The following ADAM12 variants were observed in gnomAD, a reference collection of about 807,000 sequenced individuals.
ADAM12 encodes ADAM metallopeptidase domain 12.
A neutral mutation model predicts 106.4 loss-of-function variants in ADAM12; 70 were observed. That is an observed-to-expected ratio of 0.66 (90% confidence interval 0.54 to 0.80). The LOEUF (loss-of-function observed/expected upper bound fraction) is 0.80, where lower values mean the gene tolerates loss of function less well. Ranked by LOEUF, ADAM12 falls within the 30% of genes least tolerant of loss-of-function variation. The probability of loss-of-function intolerance (pLI) is 0.00; values close to 1 mark genes in which losing one functional copy is unlikely to be tolerated. For synonymous variants in ADAM12, 420 were observed against 433.5 expected, an observed-to-expected ratio of 0.97 and a Z score of 0.39; for missense variants, 1,010 against 1,171.9, an observed-to-expected ratio of 0.86 and a Z score of 2.02.
intron 8 of ADAM12, among the ~76,000 whole-genome samples, chr10:126,103,142 C>A (rs918731695): frequency 1.3e-5 from 2 of 152,170 alleles, no homozygotes; most frequent in African/African-American, 4.8e-5. Flanking sequence ...CATCAAGGAG[C>A]TTTTCATGAT....
intron 2 of ADAM12, among the ~76,000 whole-genome samples, chr10:126,286,720 C>T (rs917518832): frequency 1.1e-4 from 17 of 152,086 alleles, no homozygotes; most frequent in African/African-American, 3.4e-4. Context: ...AATTAAGGCA[C>T]GGCAGCATTA....
At chr10:126,329,239 T>A (rs1854419382) in intron 2 of ADAM12, among the ~76,000 whole-genome samples, 1 of 152,236 alleles carries the variant, frequency 6.6e-6, no homozygotes, top group Non-Finnish European at 1.5e-5. Context: ...TACTTCTAAC[T>A]TGCTAAATCT....
At chr10:126,039,574 T>TCTTA in intron 18 of ADAM12, 145 bp from the exon 19 acceptor site, 1 of 966,754 alleles carries the variant, frequency 1.0e-6, no homozygotes, top group Non-Finnish European at 1.5e-6. Flanking sequence ...TAATAAACTG[T>TCTTA]CTTACTTCAG....
intron 3 of ADAM12, among the ~76,000 whole-genome samples, chr10:126,222,834 A>G (rs753267473): frequency 7.2e-5 from 11 of 151,772 alleles, no homozygotes; most frequent in Middle Eastern, 3.2e-3. Flanking sequence ...GGCTCCATAT[A>G]CTCTCTCATC....
At chr10:126,099,897 T>A (rs1387680720) in intron 9 of ADAM12, among the ~76,000 whole-genome samples, 3 of 152,198 alleles carry the variant, frequency 2.0e-5, no homozygotes, top group African/African-American at 7.2e-5. Context: ...AACAAAAGAA[T>A]AATAGCACAA....
intron 12 of ADAM12, among the ~76,000 whole-genome samples, chr10:126,070,159 A>G (rs1014244037): frequency 4.6e-5 from 7 of 152,178 alleles, no homozygotes; most frequent in African/African-American, 1.4e-4. Flanking sequence ...ACCCCAACCC[A>G]TGATGGTTTT....
intron 1 of ADAM12, among the ~76,000 whole-genome samples, chr10:126,381,406 C>T (rs140177208): frequency 0.014 from 2,137 of 151,978 alleles, 55 homozygotes; most frequent in African/African-American, 0.049. Context: ...TGGGGGGCTG[C>T]GGCAGGAGGA....
At position 126,082,373 on chromosome 10, in the gene ADAM12, T is replaced by TTTTG. The variant is rs567741600; in HGVS notation, c.1146-10720_1146-10719insCAAA. Among the ~76,000 whole-genome samples, 46 of 144,474 alleles carry TTTTG rather than the reference T, an allele frequency of 3.2e-4. No homozygotes were observed. The East Asian group carries it at 8.3e-3, about 26-fold the overall frequency. 94.8% of individuals were successfully genotyped at this position (144,474 alleles called of 152,430 possible). ...GACAATCTAATGACTGTTTTTTTTT[T>TTTTG]TTTTTTTTTTTTTTATGTGGAGTTT... On this transcript the variant is annotated intron_variant, in intron 11 of 22. Coordinates refer to ENST00000448723, the MANE Select transcript of ADAM12 (RefSeq NM_001288973.2).
At chr10:126,315,931 A>C (rs1564728358) in intron 2 of ADAM12, among the ~76,000 whole-genome samples, 1 of 152,198 alleles carries the variant, frequency 6.6e-6, no homozygotes. Flanking sequence ...CACGAAGTCC[A>C]CTTATGAGAT....
chr10:126,229,678 A>T (rs1278749967), intron 3 of ADAM12, among the ~76,000 whole-genome samples: 1 of 111,624 alleles, frequency 9.0e-6, no homozygotes, highest in Non-Finnish European at 1.7e-5. Flanking sequence ...TATTCTCTTT[A>T]TCTCTCCCGC....
intron 3 of ADAM12, among the ~76,000 whole-genome samples, chr10:126,178,722 A>AAAACATAAC (rs1357055554): frequency 6.6e-6 from 1 of 152,152 alleles, no homozygotes; most frequent in Non-Finnish European, 1.5e-5. Flanking sequence ...ATTGCATGTG[A>AAAACATAAC]ATGGGAAAAC....
chr10:126,371,301 T>C (rs139879121), intron 1 of ADAM12, among the ~76,000 whole-genome samples: 380 of 152,324 alleles, frequency 2.5e-3, no homozygotes, highest in Non-Finnish European at 3.5e-3. Flanking sequence ...CACTCAGAAA[T>C]GTGATTGTTT....
At chr10:126,027,225 A>G (rs1953890533) in intron 21 of ADAM12, among the ~76,000 whole-genome samples, 1 of 152,216 alleles carries the variant, frequency 6.6e-6, no homozygotes, top group Non-Finnish European at 1.5e-5. Context: ...AAATTGAGGC[A>G]GTAGTAAATA....
Position 126,012,553 on chromosome 10 carries a change from T to C in ADAM12, c.*4726A>G, listed in dbSNP as rs537542756. Reference sequence around the variant, plus strand: ...GTGAAAAAATTAGCAAACCAAAGCATGATAAATGGATGAAGCACTATAAAA... The same window carrying C: ...GTGAAAAAATTAGCAAACCAAAGCACGATAAATGGATGAAGCACTATAAAA... On this transcript the variant is annotated 3_prime_UTR_variant, in exon 23 of 23. Coordinates refer to ENST00000448723, the MANE Select transcript of ADAM12 (RefSeq NM_001288973.2). 6.6e-6 allele frequency: 1 copy of C among 151,306 alleles called. No homozygotes were observed. The highest frequency in any genetic ancestry group is 1.9e-4 in the East Asian group (1 of 5,184). 9.4% of individuals were successfully genotyped at this position (151,306 alleles called of 1,614,324 possible). A position where few individuals can be genotyped will look rare whatever the true frequency, so the allele number is the denominator to read the frequency against.
intron 1 of ADAM12, among the ~76,000 whole-genome samples, chr10:126,366,032 T>C (rs929873691): frequency 6.6e-6 from 1 of 152,272 alleles, no homozygotes; most frequent in East Asian, 1.9e-4. Context: ...TACCAGGTGT[T>C]AGAATTATCA....
intron 10 of ADAM12, among the ~76,000 whole-genome samples, chr10:126,094,620 C>T (rs774607451): frequency 1.3e-5 from 2 of 152,176 alleles, no homozygotes; most frequent in Non-Finnish European, 2.9e-5. Flanking sequence ...TGTCATTGAG[C>T]CTGCCTCTTC....
rs1462848229 is a variant in ADAM12, at chr10:126,064,349, C to T, written c.1609+457G>A. ...GGGTCCTCTTATGAGTACAAAGGGG[C>T]ATTACTAAAATCTCAGTGGTGGTGG... On this transcript the variant is annotated intron_variant, in intron 14 of 22. Coordinates refer to ENST00000448723, the MANE Select transcript of ADAM12 (RefSeq NM_001288973.2). This position sits in a 1 kb window ranked among gnomAD's most constrained non-coding sequence, Gnocchi z 4.4. Among the ~76,000 whole-genome samples, 2 of 152,162 alleles carry T rather than the reference C, an allele frequency of 1.3e-5. No homozygotes were observed. Among genetic ancestry groups the T allele is most frequent in the African/African-American group, 4.8e-5 (2 of 41,438 alleles).
chr10:126,364,363 T>C (rs757122468), intron 1 of ADAM12, among the ~76,000 whole-genome samples: 2 of 152,078 alleles, frequency 1.3e-5, no homozygotes, highest in Non-Finnish European at 2.9e-5. Flanking sequence ...GGGAAATAAA[T>C]GTTAGAAAAG....
At chr10:126,155,980 C>G (rs1956808353) in intron 3 of ADAM12, among the ~76,000 whole-genome samples, 1 of 152,172 alleles carries the variant, frequency 6.6e-6, no homozygotes, top group African/African-American at 2.4e-5. Context: ...ATGCAGTCTA[C>G]CAGAACTTCA....
Sources: gnomAD v4.1 joint callset for allele counts (sites outside exome capture counted in the v4.1 genomes callset) on GRCh38, gnomAD v4.1.1 for gene constraint, Gnocchi (gnomAD v3.1) non-coding constraint, MANE v1.5 for transcripts, NCBI Gene and HGNC (gene_info 2026-07-23, HGNC 2026-07-21) for gene names.